STIM2: variants seen among roughly 807,000 people sequenced by gnomAD.
STIM2 encodes stromal interaction molecule 2.
In STIM2, 31 loss-of-function variants were observed where a neutral mutation model predicts 85.8. That is an observed-to-expected ratio of 0.36 (90% CI 0.27 to 0.49). The LOEUF (loss-of-function observed/expected upper bound fraction) is 0.49, where lower values mean the gene tolerates loss of function less well. STIM2 is among the 20% of genes least tolerant of loss of function. The pLI is 0.98. For missense variants in STIM2, 841 were observed against 927.6 expected (o/e 0.91, Z 1.21); for synonymous variants, 356 against 331.1 (o/e 1.08, Z -0.82).
chr4:26,985,203 T>C (rs942875121), intron 3 of STIM2, among the ~76,000 whole-genome samples: 1 of 152,222 alleles, frequency 6.6e-6, no homozygotes, highest in South Asian at 2.1e-4. Context: ...TGAGTTAGGA[T>C]GAAATGTGAA....
chr4:26,984,502 A>C (rs1018276685), intron 3 of STIM2, among the ~76,000 whole-genome samples: 4 of 152,154 alleles, frequency 2.6e-5, no homozygotes, highest in African/African-American at 9.7e-5. Flanking sequence ...CTGGGATTAC[A>C]GGTGCATGCC....
intron 3 of STIM2, among the ~76,000 whole-genome samples, chr4:26,961,239 GCC>G (rs1726448204): frequency 6.6e-6 from 1 of 152,100 alleles, no homozygotes; most frequent in Non-Finnish European, 1.5e-5. Context: ...AGAGGCTCTG[GCC>G]AAATTGAGCA....
At chr4:26,937,391 C>G (rs114823450) in intron 2 of STIM2, among the ~76,000 whole-genome samples, 2,607 of 152,104 alleles carry the variant, frequency 0.017, 76 homozygotes, top group African/African-American at 0.06. Context: ...CCAGTGCTGC[C>G]ATCTCCCCAC....
At chr4:26,932,613 A>C (rs1368792996) in intron 2 of STIM2, among the ~76,000 whole-genome samples, 1 of 152,228 alleles carries the variant, frequency 6.6e-6, no homozygotes, top group Non-Finnish European at 1.5e-5. Flanking sequence ...GTACTTAATA[A>C]GCATCTAATA....
At chr4:26,891,833 G>A (rs958831399) in intron 1 of STIM2, among the ~76,000 whole-genome samples, 1 of 152,166 alleles carries the variant, frequency 6.6e-6, no homozygotes, top group Non-Finnish European at 1.5e-5. Context: ...ATTTCACCGA[G>A]GTGGAAGGCT....
At position 26,933,339 on chromosome 4, in the gene STIM2, T is replaced by C. The variant is rs181545426; in HGVS notation, c.282+13705T>C. 2.0e-5 allele frequency among the ~76,000 whole-genome samples: 3 copies of C among 152,254 alleles called. No homozygotes were observed. The East Asian group carries it at 5.8e-4, about 29-fold the overall frequency. ...TTATATGTTGAAGAAAATTATGGATTTTTAGATATAGAAGTGAGTCTTCTG... is the reference window on the plus strand; with the variant it reads ...TTATATGTTGAAGAAAATTATGGATCTTTAGATATAGAAGTGAGTCTTCTG... On this transcript the variant is annotated intron_variant, in intron 2 of 11. Transcript: ENST00000467087.
At chr4:26,891,634 C>G in intron 1 of STIM2, among the ~76,000 whole-genome samples, 1 of 151,776 alleles carries the variant, frequency 6.6e-6, no homozygotes, top group Admixed American at 6.6e-5. Flanking sequence ...TTCTAGAAAA[C>G]CCTGACTGAT....
chr4:26,917,014 A>G lies in STIM2; in HGVS notation c.152-2490A>G, dbSNP rs146398933. On this transcript the variant is annotated intron_variant, in intron 1 of 11. Transcript: ENST00000467087. The stretch of plus-strand genomic sequence containing the variant: ...TAGAAGTTTGTAATTTAGTTAATAT[A>G]TGAAGTAACAGAATTTATCAGAGGC... Among the ~76,000 whole-genome samples the G allele has an allele frequency of 7.6e-3, 1,158 of 152,308 alleles. 15 individuals are homozygous for G. The highest frequency in any genetic ancestry group is 0.027 in the African/African-American group (1,106 of 41,560).
chr4:26,889,017 A>G (rs116605557), intron 1 of STIM2, among the ~76,000 whole-genome samples: 1 of 152,164 alleles, frequency 6.6e-6, no homozygotes, highest in Non-Finnish European at 1.5e-5. Flanking sequence ...TCTATCTCCC[A>G]GTGGAAACAG....
chr4:26,872,577 T>C (rs910818365), intron 1 of STIM2, among the ~76,000 whole-genome samples: 22 of 151,752 alleles, frequency 1.4e-4, no homozygotes, highest in African/African-American at 5.3e-4. Flanking sequence ...ATATATTTAA[T>C]AATAGGCTCA....
intron 1 of STIM2, among the ~76,000 whole-genome samples, chr4:26,895,808 A>G (rs1723677043): frequency 6.6e-6 from 1 of 152,218 alleles, no homozygotes; most frequent in Non-Finnish European, 1.5e-5. Context: ...CTTATCTACT[A>G]CCTCAAAGTC....
intron 10 of STIM2, among the ~76,000 whole-genome samples, chr4:27,012,087 C>G (rs1352228779): frequency 6.6e-6 from 1 of 152,024 alleles, no homozygotes; most frequent in Non-Finnish European, 1.5e-5. Context: ...CCTGTTCTAT[C>G]CTTGCTGACT....
chr4:26,944,203 C>T (rs1329457827), intron 2 of STIM2, among the ~76,000 whole-genome samples: 1 of 152,130 alleles, frequency 6.6e-6, no homozygotes, highest in Non-Finnish European at 1.5e-5. Flanking sequence ...AGTATCACTT[C>T]TGTCTTTGTC....
In STIM2 at chr4:26,928,885, A is replaced by G. The variant is rs564205957; in HGVS notation, c.282+9251A>G. Reference sequence around the variant, plus strand: ...TTTGATATGAGAGGTGAATTTTAATATTTAAAAACAGAAGATGATATCTTT... The same window carrying G: ...TTTGATATGAGAGGTGAATTTTAATGTTTAAAAACAGAAGATGATATCTTT... On this transcript the variant is annotated intron_variant, in intron 2 of 11. Coordinates refer to ENST00000467087, the MANE Select transcript of STIM2 (RefSeq NM_020860.4). 1.4e-4 allele frequency among the ~76,000 whole-genome samples: 22 copies of G among 152,328 alleles called. No homozygotes were observed. The South Asian group carries it at 4.6e-3, about 32-fold the overall frequency.
chr4:26,872,077 C>G (rs908295518), intron 1 of STIM2, among the ~76,000 whole-genome samples: 2 of 152,082 alleles, frequency 1.3e-5, no homozygotes, highest in Admixed American at 6.5e-5. Flanking sequence ...TTGACTTAAC[C>G]ATTATTCTTT....
chr4:26,864,033 C>G (rs936453412), intron 1 of STIM2, among the ~76,000 whole-genome samples: 1 of 152,020 alleles, frequency 6.6e-6, no homozygotes, highest in African/African-American at 2.4e-5. Context: ...GAGTAAATTG[C>G]CTTTAAATTA....
intron 3 of STIM2, among the ~76,000 whole-genome samples, chr4:26,967,592 G>A (rs937967348): frequency 6.6e-6 from 1 of 152,180 alleles, no homozygotes; most frequent in Non-Finnish European, 1.5e-5. Context: ...AAGAATAGAT[G>A]TACTGCTGAG....
In STIM2 at chr4:26,903,394, C is replaced by G. The variant is rs576126537; in HGVS notation, c.152-16110C>G. Among the ~76,000 whole-genome samples the G allele has an allele frequency of 3.3e-5, 5 of 152,226 alleles. No homozygotes were observed. The South Asian group carries it at 1.0e-3, about 32-fold the overall frequency. On this transcript the variant is annotated intron_variant, in intron 1 of 11. Coordinates refer to ENST00000467087, the MANE Select transcript of STIM2 (RefSeq NM_020860.4). ...TTTGATTTTCGTGAAGTCTCACTAG[C>G]TGAACGGTTTTGTTATACACACGTG...
chr4:26,959,144 C>T (rs1465971836), intron 3 of STIM2, among the ~76,000 whole-genome samples: 2 of 152,144 alleles, frequency 1.3e-5, no homozygotes, highest in Non-Finnish European at 2.9e-5. Context: ...TGTAGTGACT[C>T]AGAGTAATAG....
Sources: allele counts gnomAD v4.1 joint callset (sites outside exome capture counted in the v4.1 genomes callset), GRCh38; gene constraint gnomAD v4.1.1; transcripts MANE v1.5; gene names NCBI Gene and HGNC (gene_info 2026-07-23, HGNC 2026-07-21).